The following EFCAB7 variants were observed in gnomAD, a reference collection of about 807,000 sequenced individuals.
EFCAB7 encodes EF-hand calcium binding domain 7.
EFCAB7 carries 66 observed loss-of-function variants against 77.1 expected under a neutral mutation model. The ratio of observed to expected loss-of-function variants is 0.86; its 90% confidence interval spans 0.70 to 1.05. The LOEUF is 1.05. Ranked by LOEUF, EFCAB7 falls within the 50% of genes least tolerant of loss-of-function variation. The pLI, the probability that EFCAB7 is intolerant of heterozygous loss-of-function variation, is 0.00. For missense variants in EFCAB7, 638 were observed against 730.5 expected (o/e 0.87, Z 1.46); for synonymous variants, 225 against 243.3 (o/e 0.92, Z 0.70).
At chr1:63,559,633 T>C (rs1053092463) in intron 10 of EFCAB7, among the ~76,000 whole-genome samples, 2 of 152,080 alleles carry the variant, frequency 1.3e-5, no homozygotes, top group Non-Finnish European at 2.9e-5. Context: ...GGCTAATTTT[T>C]GTATTTTTTT....
intron 11 of EFCAB7, among the ~76,000 whole-genome samples, chr1:63,562,448 TTTATATATATATATATATA>T (rs1647115513): frequency 2.2e-5 from 1 of 44,890 alleles, no homozygotes; most frequent in East Asian, 6.3e-4. Context: ...TCTTAATTTA[TTTATATATATATATATATA>T]TATATATATA....
chr1:63,578,213 T>A, the EFCAB7 span, among the ~76,000 whole-genome samples: 1 of 152,152 alleles, frequency 6.6e-6, no homozygotes, highest in African/African-American at 2.4e-5. Flanking sequence ...AAATTTAAGG[T>A]ATTTTCTAAT....
chr1:63,525,844 G>T, intron 2 of EFCAB7, 85 bp downstream of exon 2: 1 of 916,314 alleles, frequency 1.1e-6, no homozygotes. Context: ...GAATTACCTT[G>T]TTGAATCATC....
chr1:63,576,238 G>A (rs1292268570), downstream of EFCAB7, among the ~76,000 whole-genome samples: 2 of 152,140 alleles, frequency 1.3e-5, no homozygotes, highest in East Asian at 1.9e-4. Flanking sequence ...CTCAGCACTT[G>A]GGAGGCCGAG....
At chr1:63,561,683 G>GA (rs762748148) in intron 10 of EFCAB7, 26 bp from the exon 11 acceptor site, 2 of 1,510,074 alleles carry the variant, frequency 1.3e-6, no homozygotes, top group East Asian at 2.3e-5. Flanking sequence ...AATTATGTAA[G>GA]AAAAAACTTT....
chr1:63,561,968 T>C lies in EFCAB7; in HGVS notation c.1497+111T>C, dbSNP rs1647107066. 1.2e-5 allele frequency: 8 copies of C among 683,512 alleles called. No homozygotes were observed. The East Asian group carries it at 2.6e-4, about 23-fold the overall frequency. The allele number at this position is 683,512 out of a possible 1,614,324, so 42.3% of individuals were successfully genotyped here. On this transcript the variant is annotated intron_variant, in intron 11 of 13. Transcript: ENST00000371088. ...ATTGGGCACCCAAATCTTTGAACTT[T>C]AGTATATGAATGAATCCTGGGTGCA... is the stretch of plus-strand genomic sequence containing the variant.
At chr1:63,551,397 C>T (rs1273910490) in intron 7 of EFCAB7, among the ~76,000 whole-genome samples, 1 of 152,160 alleles carries the variant, frequency 6.6e-6, no homozygotes, top group African/African-American at 2.4e-5. Context: ...TCGAGACCAT[C>T]CTGGCCAATG....
intron 12 of EFCAB7, chr1:63,570,349 CTTTTAT>C (rs1647225132): frequency 6.6e-6 from 1 of 152,178 alleles, no homozygotes; most frequent in Non-Finnish European, 1.5e-5. Flanking sequence ...AGGCCATTGT[CTTTTAT>C]CTCAGTTGTC....
chr1:63,565,885 G>GC (rs955068694), intron 11 of EFCAB7, among the ~76,000 whole-genome samples: 3 of 152,188 alleles, frequency 2.0e-5, no homozygotes. Flanking sequence ...AAAAAGGAAT[G>GC]CTTATACACT....
At chr1:63,574,156 T>C (rs1331613819), downstream of EFCAB7, among the ~76,000 whole-genome samples, 1 of 151,878 alleles carries the variant, frequency 6.6e-6, no homozygotes, top group Non-Finnish European at 1.5e-5. Flanking sequence ...CTGGGGCAAA[T>C]CCCCGAGCTT....
chr1:63,526,855 C>T (rs971323172), intron 2 of EFCAB7, among the ~76,000 whole-genome samples: 9 of 152,222 alleles, frequency 5.9e-5, no homozygotes, highest in East Asian at 3.9e-4. Flanking sequence ...GCCTCTGCCT[C>T]CTGGGTTCCA....
intron 11 of EFCAB7, among the ~76,000 whole-genome samples, chr1:63,566,752 A>G (rs1386197696): frequency 1.3e-5 from 2 of 151,616 alleles, no homozygotes; most frequent in South Asian, 2.1e-4. Context: ...AAATAAACCC[A>G]GGTCTTCTAC....
intron 2 of EFCAB7, among the ~76,000 whole-genome samples, chr1:63,526,715 T>C (rs1204324171): frequency 6.6e-6 from 1 of 152,270 alleles, no homozygotes; most frequent in African/African-American, 2.4e-5. Context: ...TTTTGAATTT[T>C]AAGTATTTGT....
At chr1:63,551,646 G>C (rs1244626083) in intron 7 of EFCAB7, 79 bp from the exon 8 acceptor site, 15 of 573,414 alleles carry the variant, frequency 2.6e-5, no homozygotes, top group Admixed American at 8.2e-5. Flanking sequence ...GAAGAAACTA[G>C]TAACTTATTT....
chr1:63,532,827 A>G (rs1570385464), intron 4 of EFCAB7, 71 bp downstream of exon 4: 2 of 1,232,068 alleles, frequency 1.6e-6, no homozygotes, highest in Non-Finnish European at 2.3e-6. Flanking sequence ...CCCCAGCTTT[A>G]TTAAGGTATA....
Position 63,523,612 on chromosome 1 carries a change from C to G in EFCAB7, c.-24C>G, listed in dbSNP as rs933561234. The stretch of plus-strand genomic sequence containing the variant: ...TCGCCGAAGAGAATTGGCTGCGCTT[C>G]CTTGTTTGTGAGCTAGAATTAGGTA... On this transcript the variant is annotated 5_prime_UTR_variant, in exon 1 of 14. Transcript: ENST00000371088. 1 of 186,630 alleles carries G rather than the reference C, an allele frequency of 5.4e-6. No individual in the cohort carries two copies. The highest frequency in any genetic ancestry group is 1.2e-5 in the Non-Finnish European group (1 of 86,906). 11.6% of individuals were successfully genotyped at this position (186,630 alleles called of 1,614,324 possible).
chr1:63,576,020 T>C (rs1458128964), downstream of EFCAB7, among the ~76,000 whole-genome samples: 2 of 152,212 alleles, frequency 1.3e-5, no homozygotes, highest in East Asian at 3.9e-4. Context: ...CGTAGTCTTA[T>C]AAAGCCTATC....
chr1:63,533,783 CTCTT>C, intron 5 of EFCAB7, 134 bp downstream of exon 5: 1 of 682,142 alleles, frequency 1.5e-6, no homozygotes, highest in South Asian at 3.0e-5. Flanking sequence ...TATTTCTAGA[CTCTT>C]TCAGCTGTAA....
chr1:63,543,971 CTTTTTTTT>C lies in EFCAB7; in HGVS notation c.805-1936_805-1929del, dbSNP rs35018430. Reference sequence around the variant, plus strand: ...CTTTTCTTTTCTTTTTTTCTTTTTTCTTTTTTTTTTTTTTTTGAGACAGAGGCTCACTC... The same window carrying C: ...CTTTTCTTTTCTTTTTTTCTTTTTTCTTTTTTTTGAGACAGAGGCTCACTC... On this transcript the variant is annotated intron_variant, in intron 6 of 13. Transcript: ENST00000371088. Among the ~76,000 whole-genome samples, 4 of 131,136 alleles carry C rather than the reference CTTTTTTTT, an allele frequency of 3.1e-5. No individual in the cohort carries two copies. In the Admixed American group the frequency reaches 3.2e-4, roughly 10 times the overall value. The allele number at this position is 131,136 out of a possible 152,430, so 86.0% of individuals were successfully genotyped here.
Sources: gnomAD v4.1 joint callset for allele counts (sites outside exome capture counted in the v4.1 genomes callset) on GRCh38, gnomAD v4.1.1 for gene constraint, MANE v1.5 for transcripts, NCBI Gene and HGNC (gene_info 2026-07-23, HGNC 2026-07-21) for gene names.